The following SPATA17 variants were observed in gnomAD, a reference collection of about 807,000 sequenced individuals.
SPATA17 encodes the protein spermatogenesis associated 17.
In SPATA17, 53 loss-of-function variants were observed where a neutral mutation model predicts 62.2. The ratio of observed to expected loss-of-function variants is 0.85; its 90% confidence interval spans 0.68 to 1.07. SPATA17 has a LOEUF of 1.07. Among genes scored for constraint, SPATA17 ranks in the 50% least tolerant of loss-of-function variants. The pLI, the probability that SPATA17 is intolerant of heterozygous loss-of-function variation, is 0.00. For missense variants in SPATA17, 466 were observed against 425.5 expected (o/e 1.10, Z -0.84); for synonymous variants, 146 against 146.8 (o/e 0.99, Z 0.04).
chr1:217,644,504 A>G (rs1461298507), intron 1 of SPATA17, among the ~76,000 whole-genome samples: 2 of 152,184 alleles, frequency 1.3e-5, no homozygotes, highest in Admixed American at 6.5e-5. Context: ...TGATAATGAA[A>G]AAGAAAGAGT....
intron 5 of SPATA17, among the ~76,000 whole-genome samples, chr1:217,718,202 G>A (rs1297145271): frequency 1.3e-5 from 2 of 152,154 alleles, no homozygotes; most frequent in African/African-American, 4.8e-5. Context: ...ATTCAGATAT[G>A]AGTCTACCTC....
At chr1:217,736,358 A>T (rs190463534) in intron 5 of SPATA17, among the ~76,000 whole-genome samples, 1 of 152,334 alleles carries the variant, frequency 6.6e-6, no homozygotes, top group African/African-American at 2.4e-5. Flanking sequence ...CAACATAGAC[A>T]TACTCTTTAT....
intron 5 of SPATA17, among the ~76,000 whole-genome samples, chr1:217,701,484 C>G (rs929655774): frequency 6.6e-6 from 1 of 151,912 alleles, no homozygotes; most frequent in African/African-American, 2.4e-5. Context: ...CTCCCAGGTT[C>G]AAGCGATTCT....
At chr1:217,700,589 C>A (rs1319018585) in intron 5 of SPATA17, among the ~76,000 whole-genome samples, 1 of 149,850 alleles carries the variant, frequency 6.7e-6, no homozygotes, top group Non-Finnish European at 1.5e-5. Flanking sequence ...ATTTTTTTTT[C>A]TTTTTTCTTT....
At position 217,869,255 on chromosome 1, in the gene SPATA17, T is replaced by G. The variant is rs1030548483; in HGVS notation, c.*2236T>G. On this transcript the variant is annotated 3_prime_UTR_variant, in exon 11 of 11. Coordinates refer to ENST00000366933, the MANE Select transcript of SPATA17 (RefSeq NM_138796.4). ...AGATGCTTCCAGGTCATAGTTGGAG[T>G]CAAAGACTTTCCAATTGGCAATTGG... 6.6e-6 allele frequency: 1 copy of G among 151,948 alleles called. No individual in the cohort carries two copies. The highest frequency in any genetic ancestry group is 1.5e-5 in the Non-Finnish European group (1 of 68,030). The allele number at this position is 151,948 out of a possible 1,614,324, so 9.4% of individuals were successfully genotyped here.
At chr1:217,654,342 G>A (rs373246156) in intron 3 of SPATA17, among the ~76,000 whole-genome samples, 4 of 152,024 alleles carry the variant, frequency 2.6e-5, no homozygotes, top group African/African-American at 9.6e-5. Context: ...GTTTCTCCCT[G>A]TTGGCCAGGC....
At chr1:217,845,066 A>G (rs1360299076) in intron 9 of SPATA17, among the ~76,000 whole-genome samples, 1 of 151,940 alleles carries the variant, frequency 6.6e-6, no homozygotes, top group African/African-American at 2.4e-5. Flanking sequence ...TTCTATGTAT[A>G]TCTGGTCCTC....
At chr1:217,723,137 A>G (rs1218322817) in intron 5 of SPATA17, among the ~76,000 whole-genome samples, 2 of 152,136 alleles carry the variant, frequency 1.3e-5, no homozygotes, top group Non-Finnish European at 2.9e-5. Flanking sequence ...TAATACTTCA[A>G]ATTCATGTTG....
intron 7 of SPATA17, among the ~76,000 whole-genome samples, chr1:217,778,444 C>G (rs1673651121): frequency 6.6e-6 from 1 of 152,094 alleles, no homozygotes; most frequent in African/African-American, 2.4e-5. Flanking sequence ...TCGCTTGAAC[C>G]TGGGAGGTGG....
chr1:217,661,962 G>A (rs568690033), intron 3 of SPATA17, among the ~76,000 whole-genome samples: 4 of 152,078 alleles, frequency 2.6e-5, no homozygotes, highest in South Asian at 2.1e-4. Flanking sequence ...TACTCCATTC[G>A]TTTCATAAAT....
At chr1:217,823,798 C>T (rs572901002) in intron 9 of SPATA17, among the ~76,000 whole-genome samples, 20 of 151,944 alleles carry the variant, frequency 1.3e-4, no homozygotes, top group Middle Eastern at 3.4e-3. Context: ...GCTCTGTTGT[C>T]GGGTGCATAT....
intron 2 of SPATA17, among the ~76,000 whole-genome samples, chr1:217,650,803 G>A (rs1309913393): frequency 6.6e-6 from 1 of 152,166 alleles, no homozygotes; most frequent in Non-Finnish European, 1.5e-5. Flanking sequence ...ACTGTGACCT[G>A]TTTTATAGTC....
chr1:217,678,185 C>T (rs1405535173), intron 4 of SPATA17, among the ~76,000 whole-genome samples: 1 of 147,228 alleles, frequency 6.8e-6, no homozygotes, highest in African/African-American at 2.5e-5. Flanking sequence ...TTTTCCATGC[C>T]TTCATTTTTC....
intron 5 of SPATA17, among the ~76,000 whole-genome samples, chr1:217,683,617 T>A (rs1671151154): frequency 6.6e-6 from 1 of 152,014 alleles, no homozygotes; most frequent in Admixed American, 6.6e-5. Flanking sequence ...TTTTTTCTAT[T>A]TTTTAGTAGA....
At chr1:217,845,178 C>T (rs991415692) in intron 9 of SPATA17, among the ~76,000 whole-genome samples, 1 of 152,074 alleles carries the variant, frequency 6.6e-6, no homozygotes, top group South Asian at 2.1e-4. Context: ...TAGGTTCCTG[C>T]AGAGGATGAC....
chr1:217,719,453 G>A (rs1041675626), intron 5 of SPATA17, among the ~76,000 whole-genome samples: 20 of 152,118 alleles, frequency 1.3e-4, no homozygotes, highest in Non-Finnish European at 1.2e-4. Flanking sequence ...AAACCTGATG[G>A]ACAGGACTGC....
At chr1:217,742,211 A>G in intron 6 of SPATA17, 113 bp downstream of exon 6, 1 of 1,353,774 alleles carries the variant, frequency 7.4e-7, no homozygotes, top group South Asian at 1.4e-5. Flanking sequence ...TCACAAAGAC[A>G]CTACTTCGAG....
At chr1:217,753,349 T>C (rs763178307) in intron 6 of SPATA17, among the ~76,000 whole-genome samples, 1 of 152,204 alleles carries the variant, frequency 6.6e-6, no homozygotes, top group Non-Finnish European at 1.5e-5. Flanking sequence ...GTGCTATACA[T>C]AATCATCGGC....
intron 7 of SPATA17, among the ~76,000 whole-genome samples, chr1:217,776,659 C>T (rs895318470): frequency 7.1e-6 from 1 of 140,814 alleles, no homozygotes; most frequent in African/African-American, 2.7e-5. Flanking sequence ...GGCAACATAG[C>T]GAGAGCCTGT....
Sources: gnomAD v4.1 joint callset for allele counts (sites outside exome capture counted in the v4.1 genomes callset) on GRCh38, gnomAD v4.1.1 for gene constraint, MANE v1.5 for transcripts, NCBI Gene and HGNC (gene_info 2026-07-23, HGNC 2026-07-21) for gene names.